MINDY2: variants seen among roughly 807,000 people sequenced by gnomAD.
The protein encoded by MINDY2 is MINDY lysine 48 deubiquitinase 2.
In MINDY2, 52 loss-of-function variants were observed where a neutral mutation model predicts 68.2. The ratio of observed to expected loss-of-function variants is 0.76; its 90% confidence interval spans 0.61 to 0.96. The LOEUF is 0.96. MINDY2 is among the 40% of genes least tolerant of loss of function. The pLI is 0.00. For synonymous variants in MINDY2, 372 were observed against 303.0 expected (o/e 1.23, Z -2.36); for missense variants, 881 against 773.4 (o/e 1.14, Z -1.65).
Position 58,802,308 on chromosome 15 carries a change from T to C in MINDY2, c.899-5T>C. The C allele has an allele frequency of 2.6e-6, 4 of 1,558,274 alleles. No individual in the cohort carries two copies. Among genetic ancestry groups the C allele is most frequent in the Non-Finnish European group, 3.5e-6 (4 of 1,152,500 alleles). On this transcript the variant is annotated splice_region_variant and splice_polypyrimidine_tract_variant and intron_variant, in intron 2 of 8. Transcript: ENST00000559228. ...AATTTTACAATTCTTTTTTTTTTTT[T>C]ACAGGAGATTACATGCTTGATGCAA... is the stretch of plus-strand genomic sequence containing the variant.
chr15:58,774,728 C>T (rs1414662985), intron 1 of MINDY2, among the ~76,000 whole-genome samples: 1 of 151,970 alleles, frequency 6.6e-6, no homozygotes, highest in Admixed American at 6.6e-5. Flanking sequence ...GAGAGAAGAC[C>T]TTCTGGGCAA....
chr15:58,793,308 C>T lies in MINDY2; in HGVS notation c.898+5345C>T, dbSNP rs556369119. Among the ~76,000 whole-genome samples the T allele has an allele frequency of 1.7e-4, 26 of 152,048 alleles. No homozygotes were observed. In the East Asian group the frequency reaches 4.5e-3, roughly 26 times the overall value. On this transcript the variant is annotated intron_variant, in intron 2 of 8. Coordinates refer to ENST00000559228, the MANE Select transcript of MINDY2 (RefSeq NM_001040450.3). ...TCTACTAAAAATACAAAAAATTAGT[C>T]GGGTGTGGTGGCACATGCCTGTAGT...
chr15:58,820,841 A>G (rs2031013628), intron 4 of MINDY2, among the ~76,000 whole-genome samples: 2 of 152,280 alleles, frequency 1.3e-5, no homozygotes, highest in South Asian at 4.1e-4. Flanking sequence ...GAATGTAGGA[A>G]GAAAACATTG....
intron 5 of MINDY2, among the ~76,000 whole-genome samples, chr15:58,824,945 C>G (rs1474126547): frequency 6.6e-6 from 1 of 152,164 alleles, no homozygotes; most frequent in Non-Finnish European, 1.5e-5. Context: ...GCTGCAACTA[C>G]AGGCATAAGC....
At chr15:58,787,334 A>C (rs1359832938) in intron 1 of MINDY2, among the ~76,000 whole-genome samples, 2 of 152,012 alleles carry the variant, frequency 1.3e-5, no homozygotes, top group East Asian at 3.9e-4. Context: ...CTATGTGTGC[A>C]GCTCTAAACA....
At chr15:58,812,088 A>C (rs2030318481) in intron 4 of MINDY2, among the ~76,000 whole-genome samples, 1 of 152,206 alleles carries the variant, frequency 6.6e-6, no homozygotes, top group South Asian at 2.1e-4. Flanking sequence ...TACCTTTTTT[A>C]TAAATTAAAC....
Position 58,772,221 on chromosome 15 carries a change from C to T in MINDY2, c.826C>T (p.Leu276Phe), listed in dbSNP as rs116990761. ...CPLLAILNVL[L>F]LAWKVKLPPM... ...CTTGCTGGCCATCCTCAATGTTTTGCTCCTGGCCTGGAAGGTACATTCTGC... is the reference window on the plus strand; with the variant it reads ...CTTGCTGGCCATCCTCAATGTTTTGTTCCTGGCCTGGAAGGTACATTCTGC... Residue 276 changes from leucine to phenylalanine, a missense_variant, in exon 1 of 9, where the codon CTC becomes TTC. Transcript: ENST00000559228. 3.8e-3 allele frequency: 6,197 copies of T among 1,611,696 alleles called. 39 individuals carry two copies. Among genetic ancestry groups the T allele is most frequent in the South Asian group, 0.018 (1,596 of 91,074 alleles).
At position 58,810,460 on chromosome 15, in the gene MINDY2, A is replaced by G. The variant is rs145520941; in HGVS notation, c.1122+72A>G. 3,293 of 1,354,498 alleles carry G rather than the reference A, an allele frequency of 2.4e-3. 9 individuals carry two copies. Among genetic ancestry groups the G allele is most frequent in the Non-Finnish European group, 2.7e-3 (2,721 of 1,017,096 alleles). The allele number at this position is 1,354,498 out of a possible 1,614,324, so 83.9% of individuals were successfully genotyped here. On this transcript the variant is annotated intron_variant, in intron 4 of 8. Transcript: ENST00000559228. ...GTATTAATTTGGCAAATTAATCTCA[A>G]TTTATATTTTTTGTTACTTACTTTT...
chr15:58,814,161 A>T (rs2030511785), intron 4 of MINDY2, among the ~76,000 whole-genome samples: 1 of 152,012 alleles, frequency 6.6e-6, no homozygotes, highest in Non-Finnish European at 1.5e-5. Flanking sequence ...ACTGGTCATG[A>T]ACTCCTGACT....
chr15:58,820,150 C>G (rs1174515760), intron 4 of MINDY2, among the ~76,000 whole-genome samples: 2 of 152,124 alleles, frequency 1.3e-5, no homozygotes, highest in East Asian at 3.9e-4. Flanking sequence ...CCTGTAGTCT[C>G]AGCTACTAGG....
At chr15:58,836,241 T>TC (rs2031988888) in intron 6 of MINDY2, among the ~76,000 whole-genome samples, 1 of 151,560 alleles carries the variant, frequency 6.6e-6, no homozygotes, top group African/African-American at 2.4e-5. Flanking sequence ...ATAATTCTTT[T>TC]TTTTTTTTTT....
At position 58,846,768 on chromosome 15, in the gene MINDY2, A is replaced by G. The variant is rs190298717; in HGVS notation, c.1369-529A>G. The stretch of plus-strand genomic sequence containing the variant: ...TGGTGCTACGAAACACGTACAAAAC[A>G]ATTGTGTTGTATCTATTATTGGTAT... On this transcript the variant is annotated intron_variant, in intron 6 of 8. Coordinates refer to ENST00000559228, the MANE Select transcript of MINDY2 (RefSeq NM_001040450.3). 2.7e-3 allele frequency among the ~76,000 whole-genome samples: 411 copies of G among 152,298 alleles called. 2 individuals carry two copies. The highest frequency in any genetic ancestry group is 4.5e-3 in the Non-Finnish European group (303 of 68,032).
intron 5 of MINDY2, among the ~76,000 whole-genome samples, chr15:58,827,729 G>C (rs1415973166): frequency 4.6e-5 from 7 of 152,064 alleles, no homozygotes; most frequent in African/African-American, 1.7e-4. Context: ...CGGGATTACA[G>C]GCATGAGCCA....
At chr15:58,848,747 A>C (rs1324729898) in intron 7 of MINDY2, among the ~76,000 whole-genome samples, 1 of 152,208 alleles carries the variant, frequency 6.6e-6, no homozygotes, top group Non-Finnish European at 1.5e-5. Context: ...CTCCATCTCA[A>C]AACAAAAAAA....
At chr15:58,829,708 C>G (rs1248804863) in intron 5 of MINDY2, among the ~76,000 whole-genome samples, 2 of 152,136 alleles carry the variant, frequency 1.3e-5, no homozygotes, top group African/African-American at 2.4e-5. Context: ...CACAGGCATA[C>G]CCAAGAAGTT....
chr15:58,833,428 A>G (rs1296043466), intron 6 of MINDY2, among the ~76,000 whole-genome samples: 1 of 152,168 alleles, frequency 6.6e-6, no homozygotes, highest in Non-Finnish European at 1.5e-5. Context: ...CACAGAGACA[A>G]AGTATAGAGA....
At chr15:58,811,412 G>A (rs966980901) in intron 4 of MINDY2, among the ~76,000 whole-genome samples, 9 of 152,220 alleles carry the variant, frequency 5.9e-5, no homozygotes, top group Admixed American at 2.6e-4. Context: ...ACTGTCAAAA[G>A]TTTAATGAAG....
intron 2 of MINDY2, among the ~76,000 whole-genome samples, chr15:58,793,046 G>C (rs1902045969): frequency 6.6e-6 from 1 of 152,154 alleles, no homozygotes; most frequent in African/African-American, 2.4e-5. Context: ...CACATTTATA[G>C]AGACAGAAAG....
intron 6 of MINDY2, among the ~76,000 whole-genome samples, chr15:58,840,885 G>A (rs1474620221): frequency 1.4e-5 from 2 of 147,456 alleles, no homozygotes. Context: ...AGCCAGGATG[G>A]TCTCGATCTC....
Sources: gnomAD v4.1 joint callset for allele counts (sites outside exome capture counted in the v4.1 genomes callset) on GRCh38, gnomAD v4.1.1 for gene constraint, MANE v1.5 for transcripts, NCBI Gene and HGNC (gene_info 2026-07-23, HGNC 2026-07-21) for gene names.